CSMD1: variants seen among roughly 807,000 people sequenced by gnomAD.
The protein encoded by CSMD1 is CUB and sushi domain-containing protein 1.
CSMD1 carries 213 observed loss-of-function variants against 417.5 expected under a neutral mutation model. The ratio of observed to expected loss-of-function variants is 0.51; its 90% CI spans 0.46 to 0.57. The LOEUF (loss-of-function observed/expected upper bound fraction) is 0.57. Ranked by LOEUF, CSMD1 falls within the 20% of genes least tolerant of loss-of-function variation. The probability of loss-of-function intolerance (pLI) is 0.00; values close to 1 mark genes in which losing one functional copy is unlikely to be tolerated. For missense variants in CSMD1, 6,923 were observed against 4,529.7 expected (o/e 1.53, Z -15.17); for synonymous variants, 2,862 against 1,736.8 (o/e 1.65, Z -16.11).
Position 4,628,315 on chromosome 8 carries a change from A to G in CSMD1, c.302+9027T>C, listed in dbSNP as rs191409787. ...TTTGTCATTTGCCTTTTGAGTATTA[A>G]GTTTTAGGAAGTCCAATTTTTCACT... On this transcript the variant is annotated intron_variant, in intron 2 of 69. Coordinates refer to ENST00000635120, the MANE Select transcript of CSMD1 (RefSeq NM_033225.6). 5.7e-3 allele frequency among the ~76,000 whole-genome samples: 854 copies of G among 150,514 alleles called. 3 individuals carry two copies. Among genetic ancestry groups the G allele is most frequent in the Non-Finnish European group, 8.9e-3 (599 of 67,682 alleles).
rs539799368 is a variant in CSMD1, at chr8:3,902,314, T to C, written c.818+95589A>G. 1.0e-3 allele frequency among the ~76,000 whole-genome samples: 156 copies of C among 152,312 alleles called. 2 individuals carry two copies. The highest frequency in any genetic ancestry group is 1.1e-3 in the African/African-American group (46 of 41,568). On this transcript the variant is annotated intron_variant, in intron 5 of 69. Coordinates refer to ENST00000635120, the MANE Select transcript of CSMD1 (RefSeq NM_033225.6). ...CTGTCAAATCCTGTTACTCCAACTA[T>C]TACCCAGTAAGGAGTTTTTTGTTTC... is the stretch of plus-strand genomic sequence containing the variant.
chr8:4,251,791 G>A (rs1267722893), intron 3 of CSMD1, among the ~76,000 whole-genome samples: 2 of 151,010 alleles, frequency 1.3e-5, no homozygotes, highest in African/African-American at 4.9e-5. Context: ...AGAGATGGAG[G>A]AGGAAAGATG....
chr8:4,579,812 G>A (rs1799328281), intron 2 of CSMD1, among the ~76,000 whole-genome samples: 2 of 152,136 alleles, frequency 1.3e-5, no homozygotes, highest in Admixed American at 6.5e-5. Flanking sequence ...TGTGTTCCAT[G>A]TTTCTGTTAA....
intron 1 of CSMD1, among the ~76,000 whole-genome samples, chr8:4,886,062 A>T (rs982605627): frequency 6.6e-6 from 1 of 151,962 alleles, no homozygotes; most frequent in South Asian, 2.1e-4. Flanking sequence ...GCAATCTTGG[A>T]TCACTGCAAC....
At chr8:3,393,255 G>C (rs1408761981) in intron 17 of CSMD1, among the ~76,000 whole-genome samples, 2 of 152,176 alleles carry the variant, frequency 1.3e-5, no homozygotes, top group African/African-American at 4.8e-5. Context: ...GTGCTGGAAA[G>C]TTCCAAACGC....
chr8:2,941,108 T>C (rs1329088773), intron 69 of CSMD1, among the ~76,000 whole-genome samples: 1 of 152,194 alleles, frequency 6.6e-6, no homozygotes, highest in Non-Finnish European at 1.5e-5. Context: ...GTATTTTCTC[T>C]TCCAAAAAAT....
At chr8:4,922,737 C>T (rs894727215) in intron 1 of CSMD1, among the ~76,000 whole-genome samples, 3 of 152,194 alleles carry the variant, frequency 2.0e-5, no homozygotes, top group African/African-American at 7.2e-5. Context: ...TGTTCTCACG[C>T]CCCTAGATTG....
chr8:2,981,730 C>T (rs1168808348), intron 54 of CSMD1, among the ~76,000 whole-genome samples: 1 of 152,128 alleles, frequency 6.6e-6, no homozygotes, highest in Non-Finnish European at 1.5e-5. Flanking sequence ...AGGCTGTGTT[C>T]TGTGGCGAAA....
At chr8:4,184,418 T>C (rs1563238394) in intron 3 of CSMD1, among the ~76,000 whole-genome samples, 1 of 152,156 alleles carries the variant, frequency 6.6e-6, no homozygotes, top group African/African-American at 2.4e-5. Flanking sequence ...ATGAGGATGT[T>C]CCTTGCGGCA....
chr8:3,164,961 G>GA (rs923489257), intron 37 of CSMD1, among the ~76,000 whole-genome samples: 14 of 149,312 alleles, frequency 9.4e-5, no homozygotes, highest in South Asian at 2.1e-4. Context: ...ATCCTCTGGG[G>GA]AAAAAAAAAT....
At chr8:4,187,136 A>C (rs1798727703) in intron 3 of CSMD1, among the ~76,000 whole-genome samples, 1 of 93,140 alleles carries the variant, frequency 1.1e-5, no homozygotes. Context: ...ACTCTGTTAA[A>C]ACATATTGAT....
chr8:3,850,177 T>C (rs1344254945), intron 5 of CSMD1, among the ~76,000 whole-genome samples: 4 of 152,360 alleles, frequency 2.6e-5, no homozygotes, highest in Non-Finnish European at 5.9e-5. Flanking sequence ...GTCTGCTGTA[T>C]AGGCAAATTT....
chr8:3,628,616 G>C (rs1217868423), intron 7 of CSMD1, among the ~76,000 whole-genome samples: 1 of 152,102 alleles, frequency 6.6e-6, no homozygotes, highest in African/African-American at 2.4e-5. Flanking sequence ...AAGAGGGAGT[G>C]TCTCAGAGGG....
chr8:4,042,394 A>C (rs1007271673), intron 3 of CSMD1, among the ~76,000 whole-genome samples: 3 of 152,174 alleles, frequency 2.0e-5, no homozygotes, highest in Non-Finnish European at 2.9e-5. Flanking sequence ...ACTTATAGGA[A>C]GTACTGAAAT....
At chr8:4,100,753 T>G (rs1478829050) in intron 3 of CSMD1, among the ~76,000 whole-genome samples, 1 of 152,220 alleles carries the variant, frequency 6.6e-6, no homozygotes, top group Non-Finnish European at 1.5e-5. Context: ...TGCAGGGGAC[T>G]ACATAAATGA....
chr8:4,406,093 A>G (rs1420986924), intron 3 of CSMD1, among the ~76,000 whole-genome samples: 2 of 152,184 alleles, frequency 1.3e-5, no homozygotes, highest in African/African-American at 4.8e-5. Flanking sequence ...AAATGACAGC[A>G]CTAATTCATT....
At chr8:4,070,856 T>G (rs964622420) in intron 3 of CSMD1, among the ~76,000 whole-genome samples, 38 of 152,244 alleles carry the variant, frequency 2.5e-4, no homozygotes, top group African/African-American at 9.2e-4. Context: ...TATAAATGTC[T>G]AGGTTGACAG....
Position 3,308,466 on chromosome 8 carries a change from A to G in CSMD1, c.3669T>C (p.Pro1223=), listed in dbSNP as rs1805063709. 6.2e-7 allele frequency: 1 copy of G among 1,613,424 alleles called. No homozygotes were observed. The highest frequency in any genetic ancestry group is 8.5e-7 in the Non-Finnish European group (1 of 1,179,614). ...CATCACGGATCCTATAGCCGTAGTT[A>G]GGGATGCCCGGATCCTCACATTTTA... ...DLVKCEDPGI[P]NYGYRIRDEG... The change falls in exon 24 of 70, where the codon CCT becomes CCC. Residue 1223 remains proline, a synonymous_variant. Coordinates refer to ENST00000635120, the MANE Select transcript of CSMD1 (RefSeq NM_033225.6).
chr8:3,892,196 G>A (rs3102406), intron 5 of CSMD1, among the ~76,000 whole-genome samples: 1 of 152,096 alleles, frequency 6.6e-6, no homozygotes, highest in South Asian at 2.1e-4. Flanking sequence ...CCAATGTGTA[G>A]CCCTATTTTA....
Sources: allele counts gnomAD v4.1 joint callset (sites outside exome capture counted in the v4.1 genomes callset), GRCh38; gene constraint gnomAD v4.1.1; transcripts MANE v1.5; gene names NCBI Gene and HGNC (gene_info 2026-07-23, HGNC 2026-07-21).